Variants in PRKN observed in about 807,000 individuals in gnomAD.
PRKN encodes parkin RBR E3 ubiquitin protein ligase.
PRKN carries 56 observed loss-of-function variants against 59.5 expected under a neutral mutation model. That is an observed-to-expected ratio of 0.94 (90% confidence interval 0.76 to 1.18). The LOEUF is 1.18. Among genes scored for constraint, PRKN ranks in the 50% most tolerant of loss-of-function variants. The pLI, the probability that PRKN is intolerant of heterozygous loss-of-function variation, is 0.00. For synonymous variants in PRKN, 250 were observed against 222.1 expected (o/e 1.13, Z -1.12); for missense variants, 657 against 596.4 (o/e 1.10, Z -1.06).
At chr6:161,509,979 T>C (rs1278834726) in intron 9 of PRKN, among the ~76,000 whole-genome samples, 2 of 151,980 alleles carry the variant, frequency 1.3e-5, no homozygotes, top group Non-Finnish European at 2.9e-5. Context: ...CAACCCTGTG[T>C]GGGCTCAAAA....
chr6:162,553,349 G>A (rs1042641274), intron 1 of PRKN, among the ~76,000 whole-genome samples: 1 of 151,830 alleles, frequency 6.6e-6, no homozygotes, highest in African/African-American at 2.4e-5. Flanking sequence ...AAGGCAAAGT[G>A]AGCAGCCGGA....
At chr6:162,093,001 C>A (rs1779570126) in intron 4 of PRKN, among the ~76,000 whole-genome samples, 2 of 152,214 alleles carry the variant, frequency 1.3e-5, no homozygotes, top group East Asian at 1.9e-4. Context: ...CAGATTGGAA[C>A]TGCCACCCAG....
At chr6:162,050,392 T>C (rs1467603970) in intron 5 of PRKN, among the ~76,000 whole-genome samples, 1 of 152,190 alleles carries the variant, frequency 6.6e-6, no homozygotes, top group Admixed American at 6.5e-5. Flanking sequence ...TTTCTTTTCA[T>C]TTCTGTTACA....
At chr6:161,977,540 TGG>T (rs777138160) in intron 5 of PRKN, among the ~76,000 whole-genome samples, 5,566 of 99,630 alleles carry the variant, frequency 0.056, 255 homozygotes, top group African/African-American at 0.074. Context: ...TCTGTTTTTT[TGG>T]TTTTTTTTTT....
At chr6:162,416,808 T>C (rs1031456417) in intron 2 of PRKN, among the ~76,000 whole-genome samples, 3 of 152,214 alleles carry the variant, frequency 2.0e-5, no homozygotes, top group African/African-American at 4.8e-5. Context: ...AAATGAAAAT[T>C]TGAGTAAAGA....
intron 6 of PRKN, among the ~76,000 whole-genome samples, chr6:161,928,093 G>C (rs1329912066): frequency 2.0e-5 from 3 of 152,190 alleles, no homozygotes; most frequent in Non-Finnish European, 4.4e-5. Flanking sequence ...GTGTCTTTAT[G>C]AAAGTTGCCT....
intron 4 of PRKN, among the ~76,000 whole-genome samples, chr6:162,160,135 T>C (rs978825216): frequency 2.6e-5 from 4 of 152,194 alleles, no homozygotes; most frequent in African/African-American, 9.6e-5. Flanking sequence ...AGAGAACATA[T>C]TTGAAAATTA....
chr6:161,755,698 G>A (rs1788887528), intron 7 of PRKN, among the ~76,000 whole-genome samples: 1 of 152,148 alleles, frequency 6.6e-6, no homozygotes, highest in Non-Finnish European at 1.5e-5. Context: ...ATTCAATGTG[G>A]ATAATTCAAC....
chr6:161,718,247 G>T (rs1315883296), intron 7 of PRKN, among the ~76,000 whole-genome samples: 1 of 152,032 alleles, frequency 6.6e-6, no homozygotes, highest in Non-Finnish European at 1.5e-5. Flanking sequence ...ACATTCTCAA[G>T]GAGCGTCCAT....
intron 7 of PRKN, among the ~76,000 whole-genome samples, chr6:161,651,953 A>G (rs894553053): frequency 4.6e-5 from 7 of 152,236 alleles, no homozygotes; most frequent in Admixed American, 3.9e-4. Flanking sequence ...TTCATCACTG[A>G]GCATTTGAAC....
At chr6:161,915,426 CACTT>C (rs1174665647) in intron 6 of PRKN, among the ~76,000 whole-genome samples, 1 of 152,050 alleles carries the variant, frequency 6.6e-6, no homozygotes, top group Non-Finnish European at 1.5e-5. Context: ...CACATCAAGA[CACTT>C]ACTTTGATAC....
rs533713893 is a variant in PRKN at position 162,541,287 on chromosome 6, G to A, written c.8-97814C>T. Among the ~76,000 whole-genome samples the A allele has an allele frequency of 6.6e-5, 10 of 152,320 alleles. No individual in the cohort carries two copies. The East Asian group carries it at 1.5e-3, about 24-fold the overall frequency. ...GCATCATTTCATATAGGGTGATCAGGAAGGCCTCAAGATAAGGTGACATTT... is the reference window on the plus strand; with the variant it reads ...GCATCATTTCATATAGGGTGATCAGAAAGGCCTCAAGATAAGGTGACATTT... On this transcript the variant is annotated intron_variant, in intron 1 of 11. Transcript: ENST00000366898.
intron 1 of PRKN, among the ~76,000 whole-genome samples, chr6:162,446,807 A>G (rs1408106594): frequency 2.0e-5 from 3 of 152,094 alleles, no homozygotes; most frequent in Non-Finnish European, 4.4e-5. Context: ...CATATGTGGG[A>G]AACATGTCAT....
Position 161,407,132 on chromosome 6 carries a change from T to C in PRKN, c.1084-20255A>G, listed in dbSNP as rs557285291. ...GCTATATTTGTCATTAAAATGTCTT[T>C]ATATTTTTATAAATATGGTTTCACA... On this transcript the variant is annotated intron_variant, in intron 9 of 11. Transcript: ENST00000366898. This position sits in a 1 kb window ranked among gnomAD's most constrained non-coding sequence, Gnocchi z 4.9. 3.3e-5 allele frequency among the ~76,000 whole-genome samples: 5 copies of C among 152,344 alleles called. No homozygotes were observed. The South Asian group carries it at 1.0e-3, about 32-fold the overall frequency.
rs148112292 is a variant in PRKN, at chr6:161,432,423, C to T, written c.1084-45546G>A. On this transcript the variant is annotated intron_variant, in intron 9 of 11. Coordinates refer to ENST00000366898, the MANE Select transcript of PRKN (RefSeq NM_004562.3). ...TGTCATCCAGGCTGGAGTTTAATGG[C>T]GCCATCTTGGCTCACTGCAACCTCT... is the stretch of plus-strand genomic sequence containing the variant. 2.0e-3 allele frequency among the ~76,000 whole-genome samples: 290 copies of T among 143,318 alleles called. 7 individuals carry two copies. In the East Asian group the frequency reaches 0.048, roughly 24 times the overall value. The allele number at this position is 143,318 out of a possible 152,430, so 94.0% of individuals were successfully genotyped here. A position where few individuals can be genotyped will look rare whatever the true frequency, so the allele number is the denominator to read the frequency against.
chr6:162,661,848 G>A (rs1399061230), intron 1 of PRKN, among the ~76,000 whole-genome samples: 1 of 152,098 alleles, frequency 6.6e-6, no homozygotes, highest in Non-Finnish European at 1.5e-5. Context: ...AATATATCGA[G>A]GGGATACAAG....
intron 7 of PRKN, among the ~76,000 whole-genome samples, chr6:161,676,902 G>T (rs1785108260): frequency 6.6e-6 from 1 of 152,210 alleles, no homozygotes; most frequent in Non-Finnish European, 1.5e-5. Flanking sequence ...CTCCTTGGTG[G>T]TGTAATTAGT....
At chr6:162,148,696 T>C (rs1297003441) in intron 4 of PRKN, among the ~76,000 whole-genome samples, 1 of 152,042 alleles carries the variant, frequency 6.6e-6, no homozygotes, top group Non-Finnish European at 1.5e-5. Context: ...AAGAAAACCA[T>C]AATATGAAAT....
rs148853662 is a variant in PRKN at position 162,464,623 on chromosome 6, G to A, written c.8-21150C>T. Among the ~76,000 whole-genome samples the A allele has an allele frequency of 8.2e-3, 1,214 of 148,006 alleles. 9 individuals are homozygous for A. The highest frequency in any genetic ancestry group is 0.035 in the Middle Eastern group (10 of 282). On this transcript the variant is annotated intron_variant, in intron 1 of 11. Transcript: ENST00000366898. Reference sequence around the variant, plus strand: ...GAGGTCAGGAGATCAAGACCATCCTGGCTAACACAGTGATAACCCATCTCT... The same window carrying A: ...GAGGTCAGGAGATCAAGACCATCCTAGCTAACACAGTGATAACCCATCTCT...
Sources: allele counts gnomAD v4.1 joint callset (sites outside exome capture counted in the v4.1 genomes callset), GRCh38; gene constraint gnomAD v4.1.1; non-coding constraint Gnocchi (gnomAD v3.1); transcripts MANE v1.5; gene names NCBI Gene and HGNC (gene_info 2026-07-23, HGNC 2026-07-21).